Variants in TRIM3 observed in about 807,000 individuals in gnomAD.
TRIM3 encodes the protein tripartite motif containing 3.
TRIM3 carries 13 observed loss-of-function variants against 66.6 expected under a neutral mutation model. The observed-to-expected ratio is 0.20, with a 90% confidence interval of 0.13 to 0.31. TRIM3 has a LOEUF of 0.31. TRIM3 is among the 10% of genes least tolerant of loss of function. The pLI, the probability that TRIM3 is intolerant of heterozygous loss-of-function variation, is 1.00. For synonymous variants in TRIM3, 406 were observed against 411.7 expected (o/e 0.99, Z 0.17); for missense variants, 711 against 1,020.4 (o/e 0.70, Z 4.13).
In TRIM3 at chr11:6,458,498, C is replaced by T. The variant is rs1395463780; in HGVS notation, c.132-202G>A. 1.3e-5 allele frequency among the ~76,000 whole-genome samples: 2 copies of T among 152,176 alleles called. No homozygotes were observed. The highest frequency in any genetic ancestry group is 4.8e-5 in the African/African-American group (2 of 41,430). ...CAACTGAGTAGGAACACACCCCGAC[C>T]CCTCTCAGAAGAGCAGACTATCCAC... On this transcript the variant is annotated intron_variant, in intron 2 of 11. Coordinates refer to ENST00000345851, the MANE Select transcript of TRIM3 (RefSeq NM_033278.4). The surrounding 1 kb of genome is among the most constrained non-coding windows in gnomAD (Gnocchi z 6.2).
chr11:6,461,602 C>A (rs1235199372), intron 2 of TRIM3, among the ~76,000 whole-genome samples: 1 of 151,982 alleles, frequency 6.6e-6, no homozygotes, highest in South Asian at 2.1e-4. Context: ...CCCACTAACA[C>A]CCACTTCTCA....
intron 2 of TRIM3, among the ~76,000 whole-genome samples, chr11:6,459,704 TAAG>T (rs1387815388): frequency 1.3e-5 from 2 of 152,066 alleles, no homozygotes; most frequent in African/African-American, 4.8e-5. Flanking sequence ...GAGAAGTGTT[TAAG>T]AAGGAGGGAA....
chr11:6,460,165 T>C (rs776089201), intron 2 of TRIM3, among the ~76,000 whole-genome samples: 15 of 152,048 alleles, frequency 9.9e-5, no homozygotes, highest in Non-Finnish European at 1.8e-4. Context: ...GAATGAGTAG[T>C]CATCAGCGTT....
Position 6,450,724 on chromosome 11 carries a change from G to A in TRIM3, c.1871-103C>T, listed in dbSNP as rs1849686606. 2.9e-6 allele frequency: 4 copies of A among 1,401,356 alleles called. No individual in the cohort carries two copies. The highest frequency in any genetic ancestry group is 4.0e-6 in the Non-Finnish European group (4 of 993,964). The allele number at this position is 1,401,356 out of a possible 1,614,324, so 86.8% of individuals were successfully genotyped here. A position where few individuals can be genotyped will look rare whatever the true frequency, so the allele number is the denominator to read the frequency against. On this transcript the variant is annotated intron_variant, in intron 9 of 11. Coordinates refer to ENST00000345851, the MANE Select transcript of TRIM3 (RefSeq NM_033278.4). This position sits in a 1 kb window ranked among gnomAD's most constrained non-coding sequence, Gnocchi z 4.8. The stretch of plus-strand genomic sequence containing the variant: ...AGCTAGGGTGTTAGGAGAGGGGTGG[G>A]GTCTCCAGGACTGAGACAAATTATT...
chr11:6,460,138 G>A (rs962394907), intron 2 of TRIM3, among the ~76,000 whole-genome samples: 3 of 152,178 alleles, frequency 2.0e-5, no homozygotes, highest in Admixed American at 6.5e-5. Context: ...AAAACTGAGT[G>A]GTACATTTCC....
At position 6,448,800 on chromosome 11, in the gene TRIM3, G is replaced by A. The variant is rs1335132952; in HGVS notation, c.*228C>T. The A allele has an allele frequency of 1.6e-6, 1 of 620,908 alleles. No homozygotes were observed. Among genetic ancestry groups the A allele is most frequent in the Non-Finnish European group, 2.9e-6 (1 of 349,078 alleles). 38.5% of individuals were successfully genotyped at this position (620,908 alleles called of 1,614,324 possible). A position where few individuals can be genotyped will look rare whatever the true frequency, so the allele number is the denominator to read the frequency against. On this transcript the variant is annotated 3_prime_UTR_variant, in exon 12 of 12. Transcript: ENST00000345851. ...TGTAAGAAGGGTAGGGTGAAGCTCT[G>A]CACACATCCTTGGGACCACAGTCCA...
chr11:6,464,035 G>A (rs147986331), intron 2 of TRIM3, among the ~76,000 whole-genome samples: 71 of 152,320 alleles, frequency 4.7e-4, no homozygotes, highest in African/African-American at 1.7e-3. Context: ...CAGTGGTGGT[G>A]AGAAGACCTA....
In TRIM3 at chr11:6,457,993, C is replaced by T. The variant is rs999242718; in HGVS notation, c.363+72G>A. The T allele has an allele frequency of 5.1e-5, 78 of 1,538,234 alleles. No homozygotes were observed. The highest frequency in any genetic ancestry group is 6.2e-5 in the South Asian group (5 of 81,254). On this transcript the variant is annotated intron_variant, in intron 3 of 11. Transcript: ENST00000345851. This position sits in a 1 kb window ranked among gnomAD's most constrained non-coding sequence, Gnocchi z 4.5. ...AGCAGTACCCTGTCACCCAGCCACT[C>T]GGCACCCCCCAATGCCTCTCCTCCT... is the stretch of plus-strand genomic sequence containing the variant.
Position 6,451,435 on chromosome 11 carries a change from A to C in TRIM3, c.1537T>G (p.Phe513Val). ...ADSNNQCIQV[F>V]SNEGQFKFRF... ...AACTTGAACTGGCCCTCATTGGAGAAAACCTGGAGCAGAGGAGCAAGGGGA... is the reference window on the plus strand; with the variant it reads ...AACTTGAACTGGCCCTCATTGGAGACAACCTGGAGCAGAGGAGCAAGGGGA... Residue 513 changes from phenylalanine to valine, a missense_variant, in exon 8 of 12, where the codon TTC (phenylalanine) becomes GTC (valine). Physicochemically the swap from Phe to Val is conservative, Grantham distance 50. Transcript: ENST00000345851. The C allele has an allele frequency of 1.2e-6, 2 of 1,614,174 alleles. No individual in the cohort carries two copies. The highest frequency in any genetic ancestry group is 1.7e-6 in the Non-Finnish European group (2 of 1,180,018).
chr11:6,460,622 G>A (rs1005878961), intron 2 of TRIM3, among the ~76,000 whole-genome samples: 4 of 152,146 alleles, frequency 2.6e-5, no homozygotes, highest in Non-Finnish European at 5.9e-5. Flanking sequence ...GGGGCCTGAT[G>A]ATGGCTCAGA....
intron 2 of TRIM3, among the ~76,000 whole-genome samples, chr11:6,459,578 T>A (rs1850135872): frequency 6.6e-6 from 1 of 152,230 alleles, no homozygotes; most frequent in African/African-American, 2.4e-5. Context: ...CTGAAGCCTG[T>A]CTTCAAATGC....
chr11:6,460,153 G>A (rs1749833287), intron 2 of TRIM3, among the ~76,000 whole-genome samples: 1 of 152,246 alleles, frequency 6.6e-6, no homozygotes, highest in Admixed American at 6.5e-5. Flanking sequence ...ATTTCCAGGA[G>A]GGAATGAGTA....
chr11:6,473,423 A>T (rs1025644410), intron 1 of TRIM3, among the ~76,000 whole-genome samples: 2 of 151,282 alleles, frequency 1.3e-5, no homozygotes, highest in Non-Finnish European at 2.9e-5. Flanking sequence ...CACCAGGGAG[A>T]AAAGAGCCCT....
chr11:6,465,919 G>T (rs1455429284), intron 1 of TRIM3, among the ~76,000 whole-genome samples, 187 bp from the exon 2 acceptor site: 1 of 152,232 alleles, frequency 6.6e-6, no homozygotes, highest in Non-Finnish European at 1.5e-5. Context: ...GAGCACAGAC[G>T]TAGGATTAGA....
At chr11:6,465,239 T>G (rs1037002800) in intron 2 of TRIM3, among the ~76,000 whole-genome samples, 5 of 152,138 alleles carry the variant, frequency 3.3e-5, no homozygotes, top group African/African-American at 1.2e-4. Context: ...CATAAATTGC[T>G]GATGCCAAAG....
intron 2 of TRIM3, among the ~76,000 whole-genome samples, chr11:6,461,594 C>T (rs1305514773): frequency 1.3e-5 from 2 of 151,918 alleles, no homozygotes; most frequent in Non-Finnish European, 2.9e-5. Flanking sequence ...CCCATGCTCC[C>T]ACTAACACCC....
At chr11:6,454,256 T>G (rs1015939407) in intron 7 of TRIM3, among the ~76,000 whole-genome samples, 1 of 152,044 alleles carries the variant, frequency 6.6e-6, no homozygotes, top group Middle Eastern at 3.2e-3. Flanking sequence ...CCAGGTATAG[T>G]GGCATGCGCC....
At position 6,457,852 on chromosome 11, in the gene TRIM3, G is replaced by A. The variant is rs139291756; in HGVS notation, c.364-5C>T. ...CTCACAGTAAAACTCCATCGTCTGCGGTACAAGGACTCCAGTCGGGTAATG... is the reference window on the plus strand; with the variant it reads ...CTCACAGTAAAACTCCATCGTCTGCAGTACAAGGACTCCAGTCGGGTAATG... On this transcript the variant is annotated splice_polypyrimidine_tract_variant and splice_region_variant and intron_variant, in intron 3 of 11. Coordinates refer to ENST00000345851, the MANE Select transcript of TRIM3 (RefSeq NM_033278.4). The surrounding 1 kb of genome is among the most constrained non-coding windows in gnomAD (Gnocchi z 4.5). 40 of 1,614,090 alleles carry A rather than the reference G, an allele frequency of 2.5e-5. No individual in the cohort carries two copies. Among genetic ancestry groups the A allele is most frequent in the Admixed American group, 6.7e-5 (4 of 60,016 alleles).
Position 6,456,691 on chromosome 11 carries a change from G to T in TRIM3, c.1035C>A (p.Val345=), listed in dbSNP as rs772629148. The part of the protein sequence containing the change: ...ALVGQPASLT[V]TTKDKDGRLV... ...ACCGCCCGTCCTTGTCTTTGGTAGTGACAGTGAGCGAGGCAGGCTGGCCCA... is the reference window on the plus strand; with the variant it reads ...ACCGCCCGTCCTTGTCTTTGGTAGTTACAGTGAGCGAGGCAGGCTGGCCCA... The change falls in exon 6 of 12, where the codon GTC becomes GTA. Residue 345 remains valine, a synonymous_variant. Transcript: ENST00000345851. This position sits in a 1 kb window ranked among gnomAD's most constrained non-coding sequence, Gnocchi z 6.4. 1 of 1,606,344 alleles carries T rather than the reference G, an allele frequency of 6.2e-7. No individual in the cohort carries two copies. Among genetic ancestry groups the T allele is most frequent in the South Asian group, 1.1e-5 (1 of 90,952 alleles).
Sources: gnomAD v4.1 joint callset for allele counts (sites outside exome capture counted in the v4.1 genomes callset) on GRCh38, gnomAD v4.1.1 for gene constraint, Gnocchi (gnomAD v3.1) non-coding constraint, MANE v1.5 for transcripts, NCBI Gene and HGNC (gene_info 2026-07-23, HGNC 2026-07-21) for gene names.